STAB2: variants seen among roughly 807,000 people sequenced by gnomAD.
STAB2 encodes the protein stabilin 2.
In STAB2, 288 loss-of-function variants were observed where a neutral mutation model predicts 338.1. That is an observed-to-expected ratio of 0.85 (90% CI 0.77 to 0.94). The LOEUF (loss-of-function observed/expected upper bound fraction) is 0.94, where lower values mean the gene tolerates loss of function less well. STAB2 is among the 40% of genes least tolerant of loss of function. STAB2 has a pLI of 0.00. For missense variants in STAB2, 3,141 were observed against 3,210.1 expected (o/e 0.98, Z 0.52); for synonymous variants, 1,202 against 1,193.3 (o/e 1.01, Z -0.15).
At chr12:103,694,817 TG>T (rs1878255596) in intron 31 of STAB2, among the ~76,000 whole-genome samples, 1 of 152,138 alleles carries the variant, frequency 6.6e-6, no homozygotes, top group Admixed American at 6.6e-5. Flanking sequence ...ATAGTGATCT[TG>T]GCCAGAAGGT....
intron 68 of STAB2, among the ~76,000 whole-genome samples, chr12:103,765,095 A>C (rs1421470821): frequency 2.0e-5 from 3 of 151,254 alleles, no homozygotes; most frequent in East Asian, 1.9e-4. Flanking sequence ...TCAAAAAAAA[A>C]AAAAAAAAAA....
chr12:103,645,814 G>T (rs190544945), intron 9 of STAB2, among the ~76,000 whole-genome samples: 1 of 148,634 alleles, frequency 6.7e-6, no homozygotes, highest in African/African-American at 2.4e-5. Flanking sequence ...GCTGGGCTGT[G>T]TAAGTAGATC....
chr12:103,620,406 A>C, intron 3 of STAB2, 62 bp from the exon 4 acceptor site: 1 of 1,461,536 alleles, frequency 6.8e-7, no homozygotes, highest in Non-Finnish European at 9.3e-7. Context: ...GTTTAAGCGC[A>C]TCCTTGCAGA....
intron 33 of STAB2, 127 bp downstream of exon 33, chr12:103,695,971 ACTGGT>A: frequency 1.2e-6 from 1 of 865,830 alleles, no homozygotes; most frequent in Non-Finnish European, 1.8e-6. Flanking sequence ...CTTGACGTAG[ACTGGT>A]GCAGAGACTC....
chr12:103,714,133 C>T lies in STAB2; in HGVS notation c.4537+365C>T, dbSNP rs546109501. The stretch of plus-strand genomic sequence containing the variant: ...AGTGCTCTTATTATTGTCATTACCC[C>T]ATTTTGCTATGCCTACATGTATTTT... On this transcript the variant is annotated intron_variant, in intron 42 of 68. Transcript: ENST00000388887. 1.9e-4 allele frequency among the ~76,000 whole-genome samples: 29 copies of T among 152,254 alleles called. 2 individuals are homozygous for T. In the South Asian group the frequency reaches 5.8e-3, roughly 30 times the overall value.
At chr12:103,666,229 GA>G in intron 18 of STAB2, 61 bp from the exon 19 acceptor site, 1 of 1,534,136 alleles carries the variant, frequency 6.5e-7, no homozygotes. Flanking sequence ...CCAGCCACAG[GA>G]CCATCGCCAC....
rs767591335 is a variant in STAB2 at position 103,763,475 on chromosome 12, C to T, written c.7489-17C>T. The T allele has an allele frequency of 3.1e-6, 5 of 1,612,280 alleles. No individual in the cohort carries two copies. In the South Asian group the frequency reaches 5.5e-5, roughly 18 times the overall value. ...TTTGGGGATGCTCCTGGCTTTCATG[C>T]TTGTCTTTCCAAACAGTCGGAAGAG... On this transcript the variant is annotated splice_polypyrimidine_tract_variant and intron_variant, in intron 67 of 68. Transcript: ENST00000388887.
chr12:103,620,993 A>C (rs147432205), intron 4 of STAB2, among the ~76,000 whole-genome samples: 4,147 of 152,152 alleles, frequency 0.027, 76 homozygotes, highest in Non-Finnish European at 0.043. Context: ...GCTACTCAGG[A>C]GGCTGAGGCA....
intron 30 of STAB2, among the ~76,000 whole-genome samples, chr12:103,692,098 G>T (rs910414257): frequency 6.6e-6 from 1 of 152,190 alleles, no homozygotes; most frequent in Admixed American, 6.5e-5. Context: ...AGTTCTGAAG[G>T]CCAGAAGTCC....
In STAB2 at chr12:103,706,943, G is replaced by A; in HGVS notation, c.4148G>A (p.Cys1383Tyr). 6.2e-7 allele frequency: 1 copy of A among 1,614,156 alleles called. No individual in the cohort carries two copies. ...GGGGAGGGCTTCAGCGGCACAGCCTGCGAGACCTGCACCGAGGGCAAGTAC... is the reference window on the plus strand; with the variant it reads ...GGGGAGGGCTTCAGCGGCACAGCCTACGAGACCTGCACCGAGGGCAAGTAC... ...ECGEGFSGTA[C>Y]ETCTEGKYGI... Residue 1383 changes from cysteine to tyrosine, a missense_variant, in exon 38 of 69, where the codon TGC becomes TAC. By Grantham distance (194) the Cys-to-Tyr change is radical. Transcript: ENST00000388887.
At chr12:103,711,177 G>A in intron 39 of STAB2, 1 of 429,324 alleles carries the variant, frequency 2.3e-6, no homozygotes, top group Non-Finnish European at 4.1e-6. Context: ...CAGACCATAA[G>A]AGCACATGGT....
rs565662166 is a variant in STAB2, at chr12:103,638,305, C to A, written c.906+93C>A. 6.5e-6 allele frequency: 9 copies of A among 1,376,642 alleles called. 1 individual carries two copies. In the African/African-American group the frequency reaches 8.6e-5, roughly 13 times the overall value. The allele number at this position is 1,376,642 out of a possible 1,614,324, so 85.3% of individuals were successfully genotyped here. ...ATTTGTCTTCTATGCCATCCCAATT[C>A]TCCCTTTCAATGTTCCGCTTGGTCT... On this transcript the variant is annotated intron_variant, in intron 8 of 68. Coordinates refer to ENST00000388887, the MANE Select transcript of STAB2 (RefSeq NM_017564.10).
rs1230552243 is a variant in STAB2, at chr12:103,702,998, GA to G, written c.3715-149del. 6.4e-6 allele frequency: 6 copies of G among 938,630 alleles called. No homozygotes were observed. The South Asian group carries it at 8.6e-5, about 14-fold the overall frequency. The allele number at this position is 938,630 out of a possible 1,614,324, so 58.1% of individuals were successfully genotyped here. ...TATTCAGACTTCCGCTCCTAAGTCA[GA>G]GCTCTTTCCAATACAAGTGACTATT... On this transcript the variant is annotated intron_variant, in intron 34 of 68. Transcript: ENST00000388887.
At chr12:103,613,744 T>C (rs995121787) in intron 3 of STAB2, among the ~76,000 whole-genome samples, 1 of 152,138 alleles carries the variant, frequency 6.6e-6, no homozygotes, top group African/African-American at 2.4e-5. Context: ...GTACCTCAGT[T>C]GGAAATGCAG....
intron 2 of STAB2, chr12:103,592,131 T>C (rs1472758788): frequency 2.0e-5 from 3 of 152,328 alleles, no homozygotes; most frequent in Middle Eastern, 6.8e-3. Context: ...GGGATAACTT[T>C]TACCTGTTCC....
At chr12:103,622,903 G>A (rs752830140) in intron 5 of STAB2, among the ~76,000 whole-genome samples, 4 of 152,150 alleles carry the variant, frequency 2.6e-5, no homozygotes, top group Non-Finnish European at 4.4e-5. Context: ...TAAACCGTGG[G>A]CCCCACCTAA....
intron 64 of STAB2, 139 bp downstream of exon 64, chr12:103,758,428 C>T (rs1321702270): frequency 7.1e-7 from 1 of 1,414,024 alleles, no homozygotes; most frequent in Admixed American, 2.1e-5. Flanking sequence ...CAGTTGGCCA[C>T]TCCCTTGGTC....
chr12:103,758,553 A>C (rs1884303740), intron 64 of STAB2, among the ~76,000 whole-genome samples: 1 of 152,180 alleles, frequency 6.6e-6, no homozygotes, highest in Non-Finnish European at 1.5e-5. Context: ...TCTCAGGGCA[A>C]TGGCAGGGAG....
intron 9 of STAB2, among the ~76,000 whole-genome samples, chr12:103,647,883 TTA>T (rs1873450678): frequency 6.6e-6 from 1 of 152,358 alleles, no homozygotes; most frequent in South Asian, 2.1e-4. Flanking sequence ...GTTTGTATAT[TTA>T]TTTTCATTGT....
Sources: gnomAD v4.1 joint callset for allele counts (sites outside exome capture counted in the v4.1 genomes callset) on GRCh38, gnomAD v4.1.1 for gene constraint, MANE v1.5 for transcripts, NCBI Gene and HGNC (gene_info 2026-07-23, HGNC 2026-07-21) for gene names.